Variants in ZRANB3 observed in about 807,000 individuals in gnomAD.
The protein encoded by ZRANB3 is zinc finger RANBP2-type containing 3, also known as DNA annealing helicase and endonuclease ZRANB3.
In ZRANB3, 125 loss-of-function variants were observed where a neutral mutation model predicts 133.8. That is an observed-to-expected ratio of 0.93 (90% CI 0.81 to 1.08). The LOEUF (loss-of-function observed/expected upper bound fraction) is 1.08. ZRANB3 is among the 50% of genes least tolerant of loss of function. The probability of loss-of-function intolerance (pLI) is 0.00; values close to 1 mark genes in which losing one functional copy is unlikely to be tolerated. For synonymous variants in ZRANB3, 387 were observed against 432.7 expected, an observed-to-expected ratio of 0.89 and a Z score of 1.31; for missense variants, 1,229 against 1,275.5, an observed-to-expected ratio of 0.96 and a Z score of 0.56.
At chr2:135,448,910 G>A (rs1172366077) in intron 2 of ZRANB3, among the ~76,000 whole-genome samples, 7 of 152,196 alleles carry the variant, frequency 4.6e-5, no homozygotes, top group Admixed American at 3.9e-4. Flanking sequence ...TTCTTGCAAG[G>A]TGACATTGAC....
At chr2:135,437,152 G>T (rs1689571775) in intron 2 of ZRANB3, among the ~76,000 whole-genome samples, 1 of 152,108 alleles carries the variant, frequency 6.6e-6, no homozygotes, top group Admixed American at 6.6e-5. Flanking sequence ...TAGAGATGGG[G>T]TTTCTCTATG....
chr2:135,398,365 C>T (rs529259150), intron 2 of ZRANB3, among the ~76,000 whole-genome samples: 3 of 151,420 alleles, frequency 2.0e-5, no homozygotes, highest in African/African-American at 7.3e-5. Flanking sequence ...TGCACCTGGC[C>T]CTACATGCCT....
intron 2 of ZRANB3, among the ~76,000 whole-genome samples, chr2:135,415,088 A>C (rs1314562484): frequency 6.6e-6 from 1 of 150,856 alleles, no homozygotes; most frequent in Non-Finnish European, 1.5e-5. Flanking sequence ...AGCAGAAGGC[A>C]AGAAATAACT....
chr2:135,341,127 C>T (rs1053438712), intron 6 of ZRANB3, among the ~76,000 whole-genome samples: 7 of 149,598 alleles, frequency 4.7e-5, no homozygotes, highest in East Asian at 3.9e-4. Flanking sequence ...CCCGGGTTCA[C>T]GCCACTCTCC....
At chr2:135,482,449 T>A (rs898772944) in intron 2 of ZRANB3, among the ~76,000 whole-genome samples, 5 of 149,272 alleles carry the variant, frequency 3.3e-5, no homozygotes, top group Non-Finnish European at 7.4e-5. Context: ...ATGCTTGTGA[T>A]TTTTGTACAT....
intron 2 of ZRANB3, among the ~76,000 whole-genome samples, chr2:135,433,994 T>TCAAAA (rs944788844): frequency 6.6e-6 from 1 of 151,482 alleles, no homozygotes; most frequent in African/African-American, 2.4e-5. Context: ...AGACTCCGTC[T>TCAAAA]CAAAACAAAA....
At chr2:135,498,120 T>C (rs576277686) in intron 2 of ZRANB3, among the ~76,000 whole-genome samples, 24 of 152,062 alleles carry the variant, frequency 1.6e-4, no homozygotes, top group Non-Finnish European at 2.6e-4. Context: ...GTCTACTTCA[T>C]ACCATATACA....
chr2:135,281,509 G>A (rs935988218), intron 8 of ZRANB3, among the ~76,000 whole-genome samples: 3 of 152,068 alleles, frequency 2.0e-5, no homozygotes, highest in African/African-American at 7.2e-5. Context: ...CCCTGACAAA[G>A]GCACTCTTAG....
At chr2:135,233,291 T>G (rs937117175) in intron 12 of ZRANB3, among the ~76,000 whole-genome samples, 3 of 152,162 alleles carry the variant, frequency 2.0e-5, no homozygotes, top group Admixed American at 6.5e-5. Flanking sequence ...TATGGGACCA[T>G]GTGAAAAGAT....
At chr2:135,275,211 C>T (rs1200876903) in intron 9 of ZRANB3, among the ~76,000 whole-genome samples, 61 of 143,934 alleles carry the variant, frequency 4.2e-4, no homozygotes, top group African/African-American at 1.2e-3. Context: ...CGGGCAGAGG[C>T]GCCCCCCACC....
chr2:135,511,456 G>A (rs755289513), intron 1 of ZRANB3: 51 of 827,564 alleles, frequency 6.2e-5, no homozygotes, highest in Non-Finnish European at 9.3e-5. Flanking sequence ...ACCACCTGAG[G>A]TGTTTGCTGT....
intron 9 of ZRANB3, among the ~76,000 whole-genome samples, chr2:135,272,414 CTTTTT>C (rs112209442): frequency 9.3e-6 from 1 of 107,762 alleles, no homozygotes; most frequent in Admixed American, 1.0e-4. Context: ...GAAAATAGAG[CTTTTT>C]TTTTTTTTTT....
At chr2:135,323,656 G>T (rs1461177235) in intron 6 of ZRANB3, among the ~76,000 whole-genome samples, 2 of 152,004 alleles carry the variant, frequency 1.3e-5, no homozygotes, top group Admixed American at 1.3e-4. Flanking sequence ...GATCAATAAG[G>T]ATTATAAATA....
intron 8 of ZRANB3, among the ~76,000 whole-genome samples, chr2:135,280,264 A>G (rs1184464573): frequency 2.0e-5 from 3 of 152,206 alleles, no homozygotes; most frequent in Non-Finnish European, 4.4e-5. Flanking sequence ...ACTATACATT[A>G]TATCTTATTT....
intron 12 of ZRANB3, among the ~76,000 whole-genome samples, chr2:135,261,288 C>T (rs1428553878): frequency 6.6e-6 from 1 of 152,110 alleles, no homozygotes; most frequent in Non-Finnish European, 1.5e-5. Flanking sequence ...ATAAGTTAAT[C>T]AGTAGACTAA....
At chr2:135,447,411 T>A (rs774493452) in intron 2 of ZRANB3, among the ~76,000 whole-genome samples, 20 of 152,220 alleles carry the variant, frequency 1.3e-4, no homozygotes, top group Non-Finnish European at 1.5e-4. Flanking sequence ...ATTCTCAGCC[T>A]GTTCATTTTT....
chr2:135,522,692 G>T (rs532709668), intron 1 of ZRANB3, among the ~76,000 whole-genome samples: 1 of 152,144 alleles, frequency 6.6e-6, no homozygotes, highest in South Asian at 2.1e-4. Flanking sequence ...CAGCCTGGGT[G>T]ACAGAGTGAG....
At chr2:135,513,950 G>A (rs1170620284) in intron 1 of ZRANB3, among the ~76,000 whole-genome samples, 1 of 152,166 alleles carries the variant, frequency 6.6e-6, no homozygotes, top group Non-Finnish European at 1.5e-5. Context: ...GGTTGTAGAT[G>A]TGTAGTGTTA....
intron 9 of ZRANB3, among the ~76,000 whole-genome samples, chr2:135,274,483 T>C (rs1558878969): frequency 6.6e-6 from 1 of 152,210 alleles, no homozygotes; most frequent in East Asian, 1.9e-4. Flanking sequence ...TGTAGGTAAA[T>C]AAAAAGTCTA....
Sources: allele counts gnomAD v4.1 joint callset (sites outside exome capture counted in the v4.1 genomes callset), GRCh38; gene constraint gnomAD v4.1.1; transcripts MANE v1.5; gene names NCBI Gene and HGNC (gene_info 2026-07-23, HGNC 2026-07-21).